The following TUSC3 variants were observed in gnomAD, a reference collection of about 807,000 sequenced individuals.
TUSC3 encodes the protein dolichyl-diphosphooligosaccharide--protein glycosyltransferase subunit TUSC3.
In TUSC3, 45 loss-of-function variants were observed where a neutral mutation model predicts 44.8. The ratio of observed to expected loss-of-function variants is 1.00; its 90% CI spans 0.79 to 1.29. The LOEUF is 1.29. Ranked by LOEUF, TUSC3 falls within the 50% of genes most tolerant of loss-of-function variation. The pLI, the probability that TUSC3 is intolerant of heterozygous loss-of-function variation, is 0.00. For synonymous variants in TUSC3, 212 were observed against 152.9 expected (o/e 1.39, Z -2.85); for missense variants, 519 against 437.9 (o/e 1.19, Z -1.65).
At chr8:15,504,399 G>T (rs1235644427) in intron 2 of TUSC3, among the ~76,000 whole-genome samples, 4 of 151,562 alleles carry the variant, frequency 2.6e-5, no homozygotes, top group African/African-American at 9.7e-5. Context: ...GCACAAAATA[G>T]GCGTAAACAC....
At chr8:15,841,922 A>G in the TUSC3 span, among the ~76,000 whole-genome samples, 1 of 152,204 alleles carries the variant, frequency 6.6e-6, no homozygotes, top group African/African-American at 2.4e-5. Context: ...AGTGCTATCT[A>G]TGACTTATTT....
chr8:15,775,996 C>T, the TUSC3 span, among the ~76,000 whole-genome samples: 2 of 151,746 alleles, frequency 1.3e-5, no homozygotes, highest in Non-Finnish European at 2.9e-5. Context: ...TTCTCAATTC[C>T]TAAATTTTAC....
chr8:15,813,422 T>C, the TUSC3 span, among the ~76,000 whole-genome samples: 1 of 151,402 alleles, frequency 6.6e-6, no homozygotes, highest in Non-Finnish European at 1.5e-5. Flanking sequence ...GTCTCTGCCA[T>C]CTCTGGGGTT....
intron 5 of TUSC3, among the ~76,000 whole-genome samples, chr8:15,665,111 A>C (rs1250482329): frequency 1.3e-5 from 2 of 151,700 alleles, no homozygotes; most frequent in South Asian, 2.1e-4. Flanking sequence ...GGAAGTAAGG[A>C]AAAAAATGTA....
intron 2 of TUSC3, among the ~76,000 whole-genome samples, chr8:15,645,598 A>G (rs1010960097): frequency 6.6e-6 from 1 of 152,116 alleles, no homozygotes; most frequent in African/African-American, 2.4e-5. Context: ...ACTGTGAGGT[A>G]TACTTCTTTA....
chr8:15,851,259 T>G, the TUSC3 span, among the ~76,000 whole-genome samples: 1 of 152,244 alleles, frequency 6.6e-6, no homozygotes, highest in South Asian at 2.1e-4. Flanking sequence ...CATTATTTAT[T>G]GAGCATCTTT....
At chr8:15,505,778 A>C (rs923500354) in intron 2 of TUSC3, among the ~76,000 whole-genome samples, 2 of 152,166 alleles carry the variant, frequency 1.3e-5, no homozygotes, top group African/African-American at 4.8e-5. Context: ...TTTAGTTTTA[A>C]ACCCTACAGA....
intron 7 of TUSC3, among the ~76,000 whole-genome samples, chr8:15,734,840 T>A (rs1001815901): frequency 2.6e-5 from 4 of 152,162 alleles, no homozygotes; most frequent in African/African-American, 9.6e-5. Context: ...CAAATATTCT[T>A]TATTGCAGGA....
At chr8:15,809,519 A>T in the TUSC3 span, among the ~76,000 whole-genome samples, 1 of 152,184 alleles carries the variant, frequency 6.6e-6, no homozygotes, top group South Asian at 2.1e-4. Context: ...GAAACTGTAG[A>T]TTGTATCTAG....
chr8:15,678,767 T>C (rs1808294318), intron 6 of TUSC3, among the ~76,000 whole-genome samples: 1 of 152,150 alleles, frequency 6.6e-6, no homozygotes, highest in South Asian at 2.1e-4. Flanking sequence ...TTTCAGCTTT[T>C]GGCCTCCTTC....
the TUSC3 span, among the ~76,000 whole-genome samples, chr8:15,774,638 C>G: frequency 1.3e-5 from 2 of 152,136 alleles, no homozygotes; most frequent in Non-Finnish European, 2.9e-5. Flanking sequence ...TACTTTGTTA[C>G]AGCAGCTCTA....
At chr8:15,575,834 T>G (rs1265585623) in intron 1 of TUSC3, among the ~76,000 whole-genome samples, 1 of 152,140 alleles carries the variant, frequency 6.6e-6, no homozygotes, top group African/African-American at 2.4e-5. Context: ...TATCATTTTT[T>G]TGTGGAAATT....
chr8:15,585,822 G>T (rs1009630340), intron 1 of TUSC3, among the ~76,000 whole-genome samples: 1 of 152,130 alleles, frequency 6.6e-6, no homozygotes, highest in African/African-American at 2.4e-5. Flanking sequence ...TTCAACGGAG[G>T]ACCCACCCTA....
At chr8:15,514,018 A>G (rs1014596241) in intron 2 of TUSC3, among the ~76,000 whole-genome samples, 4 of 152,166 alleles carry the variant, frequency 2.6e-5, no homozygotes, top group Admixed American at 2.0e-4. Context: ...TACAGCCTAA[A>G]GGAACATAAC....
the TUSC3 span, chr8:15,807,232 A>T: frequency 1.5e-6 from 1 of 658,540 alleles, no homozygotes; most frequent in South Asian, 1.6e-5. Context: ...TAATTACCCC[A>T]CCCCCAGGCA....
chr8:15,825,757 T>C, the TUSC3 span, among the ~76,000 whole-genome samples: 5 of 147,868 alleles, frequency 3.4e-5, no homozygotes, highest in African/African-American at 5.1e-5. Context: ...TTACCTCCTA[T>C]GCATTTTTTT....
At chr8:15,817,505 G>C in the TUSC3 span, among the ~76,000 whole-genome samples, 1 of 152,128 alleles carries the variant, frequency 6.6e-6, no homozygotes, top group Non-Finnish European at 1.5e-5. Context: ...GAGGGACCTC[G>C]TGGGAGGTAA....
chr8:15,588,368 ATG>A (rs1239654235), intron 1 of TUSC3, among the ~76,000 whole-genome samples: 2 of 152,036 alleles, frequency 1.3e-5, no homozygotes, highest in African/African-American at 4.8e-5. Context: ...CTTTTTCGAA[ATG>A]TCTATTCAGA....
At chr8:15,755,273 A>G (rs1328077846) in intron 9 of TUSC3, among the ~76,000 whole-genome samples, 2 of 152,162 alleles carry the variant, frequency 1.3e-5, no homozygotes, top group African/African-American at 4.8e-5. Flanking sequence ...TTCAACTATT[A>G]GAAAGATTAC....
Sources: gnomAD v4.1 joint callset for allele counts (sites outside exome capture counted in the v4.1 genomes callset) on GRCh38, gnomAD v4.1.1 for gene constraint, MANE v1.5 for transcripts, NCBI Gene and HGNC (gene_info 2026-07-23, HGNC 2026-07-21) for gene names.